The following COL4A2 variants were observed in gnomAD, a reference collection of about 807,000 sequenced individuals.
COL4A2 encodes collagen alpha-2(IV) chain.
COL4A2 carries 99 observed loss-of-function variants against 200.2 expected under a neutral mutation model. The ratio of observed to expected loss-of-function variants is 0.49; its 90% CI spans 0.42 to 0.58. COL4A2 has a LOEUF of 0.58. COL4A2 is among the 20% of genes least tolerant of loss of function. The pLI is 0.00. For synonymous variants in COL4A2, 897 were observed against 900.6 expected, an observed-to-expected ratio of 1.00 and a Z score of 0.07; for missense variants, 1,950 against 2,314.1, an observed-to-expected ratio of 0.84 and a Z score of 3.23.
chr13:110,453,560 G>A (rs1247335530), intron 20 of COL4A2, among the ~76,000 whole-genome samples: 1 of 152,162 alleles, frequency 6.6e-6, no homozygotes, highest in Non-Finnish European at 1.5e-5. Flanking sequence ...GGCTAACGTT[G>A]CCATTATTCC....
At chr13:110,421,784 T>C (rs1002702043) in intron 4 of COL4A2, among the ~76,000 whole-genome samples, 7 of 152,240 alleles carry the variant, frequency 4.6e-5, no homozygotes, top group African/African-American at 1.7e-4. Context: ...CTAGAGTTTT[T>C]CATTCCAAAG....
chr13:110,368,945 G>A (rs374132300), intron 4 of COL4A2, among the ~76,000 whole-genome samples: 11 of 151,730 alleles, frequency 7.2e-5, no homozygotes, highest in Non-Finnish European at 1.5e-4. Context: ...GCGGTGGCTC[G>A]CACCTGTAAT....
intron 4 of COL4A2, among the ~76,000 whole-genome samples, chr13:110,386,474 G>T (rs575640353): frequency 1.4e-3 from 207 of 152,230 alleles, no homozygotes; most frequent in African/African-American, 4.8e-3. Context: ...CCATGCAATT[G>T]GGTGTATCCC....
At chr13:110,368,261 A>G (rs766114474) in intron 4 of COL4A2, among the ~76,000 whole-genome samples, 10 of 152,236 alleles carry the variant, frequency 6.6e-5, no homozygotes, top group Non-Finnish European at 1.5e-4. Context: ...GCGTAGGTTT[A>G]TATATATCCA....
At chr13:110,395,148 T>C (rs1000892671) in intron 4 of COL4A2, among the ~76,000 whole-genome samples, 3 of 152,176 alleles carry the variant, frequency 2.0e-5, no homozygotes, top group African/African-American at 7.2e-5. Flanking sequence ...CTCATATCAA[T>C]GCGTAAGATG....
intron 28 of COL4A2, among the ~76,000 whole-genome samples, chr13:110,472,189 C>G (rs1466719386): frequency 6.7e-6 from 1 of 148,624 alleles, no homozygotes; most frequent in African/African-American, 2.5e-5. Flanking sequence ...GATCTTGGCT[C>G]ACTGCAAGCT....
chr13:110,363,102 T>C (rs1877587143), intron 4 of COL4A2, among the ~76,000 whole-genome samples: 1 of 152,106 alleles, frequency 6.6e-6, no homozygotes, highest in Non-Finnish European at 1.5e-5. Context: ...GATGGTCAAA[T>C]GGCCCTGTCA....
At chr13:110,316,215 A>G (rs1885125665) in intron 3 of COL4A2, among the ~76,000 whole-genome samples, 1 of 152,198 alleles carries the variant, frequency 6.6e-6, no homozygotes, top group East Asian at 1.9e-4. Flanking sequence ...TAAATATTAT[A>G]TAACAATATT....
intron 8 of COL4A2, 132 bp from the exon 9 acceptor site, chr13:110,430,269 G>T: frequency 9.4e-7 from 1 of 1,066,874 alleles, no homozygotes; most frequent in Non-Finnish European, 1.3e-6. Flanking sequence ...ATTAATATTA[G>T]TAAATTAACA....
At chr13:110,349,147 G>A (rs1876838887) in intron 3 of COL4A2, among the ~76,000 whole-genome samples, 1 of 152,184 alleles carries the variant, frequency 6.6e-6, no homozygotes, top group Non-Finnish European at 1.5e-5. Context: ...TAGAGAAATA[G>A]TAGTCTCAAA....
At chr13:110,496,210 G>A (rs528291397) in intron 40 of COL4A2, among the ~76,000 whole-genome samples, 45 of 152,340 alleles carry the variant, frequency 3.0e-4, no homozygotes, top group Non-Finnish European at 6.3e-4. Context: ...AGTTTTTCTA[G>A]TGCCAATTCC....
intron 3 of COL4A2, among the ~76,000 whole-genome samples, chr13:110,332,808 T>A: frequency 6.6e-6 from 1 of 152,246 alleles, no homozygotes; most frequent in East Asian, 1.9e-4. Context: ...GTCACATATT[T>A]CTGCATCAAC....
chr13:110,356,386 G>A (rs1230558341), intron 3 of COL4A2, among the ~76,000 whole-genome samples: 2 of 152,170 alleles, frequency 1.3e-5, no homozygotes, highest in African/African-American at 2.4e-5. Flanking sequence ...AAATGAAGTC[G>A]CAAGTGATAT....
chr13:110,496,008 A>G (rs1883442071), intron 40 of COL4A2, among the ~76,000 whole-genome samples: 1 of 152,134 alleles, frequency 6.6e-6, no homozygotes, highest in African/African-American at 2.4e-5. Flanking sequence ...CTCATTGTGC[A>G]TGAGCCCACA....
chr13:110,321,800 T>A (rs763580201), intron 3 of COL4A2, among the ~76,000 whole-genome samples: 1 of 152,124 alleles, frequency 6.6e-6, no homozygotes, highest in Non-Finnish European at 1.5e-5. Flanking sequence ...AAAGAGAGAA[T>A]GTACCAGCAG....
rs1415000770 is a variant in COL4A2, at chr13:110,481,711, CA to C, written c.2759-804del. 8.0e-4 allele frequency among the ~76,000 whole-genome samples: 27 copies of C among 33,870 alleles called. 2 individuals are homozygous for C. The highest frequency in any genetic ancestry group is 1.2e-3 in the Non-Finnish European group (18 of 15,260). 22.2% of individuals were successfully genotyped at this position (33,870 alleles called of 152,430 possible). A position where few individuals can be genotyped will look rare whatever the true frequency, so the allele number is the denominator to read the frequency against. On this transcript the variant is annotated intron_variant, in intron 31 of 47. Transcript: ENST00000360467. ...CTGGAGACACACTGTTCTGTCCTTCCATTGCTGGAGACACACTGTTCTGTCC... is the reference window on the plus strand; with the variant it reads ...CTGGAGACACACTGTTCTGTCCTTCCTTGCTGGAGACACACTGTTCTGTCC...
intron 4 of COL4A2, among the ~76,000 whole-genome samples, chr13:110,401,628 A>G (rs1420905312): frequency 6.6e-6 from 1 of 152,252 alleles, no homozygotes; most frequent in South Asian, 2.1e-4. Flanking sequence ...TAAGTTAACC[A>G]GCTTACATCC....
intron 3 of COL4A2, among the ~76,000 whole-genome samples, chr13:110,345,059 G>A (rs1231926689): frequency 6.6e-6 from 1 of 152,112 alleles, no homozygotes. Flanking sequence ...CTGTGTTACA[G>A]CAGAAAAGCC....
intron 17 of COL4A2, 103 bp downstream of exon 17, chr13:110,445,985 A>T: frequency 7.8e-7 from 1 of 1,285,072 alleles, no homozygotes; most frequent in South Asian, 1.2e-5. Flanking sequence ...CCCTGCCCTA[A>T]AAAGTACAAG....
Sources: gnomAD v4.1 joint callset for allele counts (sites outside exome capture counted in the v4.1 genomes callset) on GRCh38, gnomAD v4.1.1 for gene constraint, MANE v1.5 for transcripts, NCBI Gene and HGNC (gene_info 2026-07-23, HGNC 2026-07-21) for gene names.